Variants in SCMH1 observed in about 807,000 individuals in gnomAD.
The protein encoded by SCMH1 is Scm polycomb group protein homolog 1.
In SCMH1, 37 loss-of-function variants were observed where a neutral mutation model predicts 70.8. The ratio of observed to expected loss-of-function variants is 0.52; its 90% CI spans 0.40 to 0.69. SCMH1 has a LOEUF of 0.69. Among genes scored for constraint, SCMH1 ranks in the 30% least tolerant of loss-of-function variants. The pLI is 0.00. For synonymous variants in SCMH1, 292 were observed against 307.4 expected (o/e 0.95, Z 0.52); for missense variants, 607 against 827.3 (o/e 0.73, Z 3.27).
intron 1 of SCMH1, among the ~76,000 whole-genome samples, chr1:41,241,853 C>G (rs1418672325): frequency 6.6e-6 from 1 of 151,770 alleles, no homozygotes; most frequent in Non-Finnish European, 1.5e-5. Context: ...GGCCTCCGGG[C>G]TCGGGGCCGG....
At chr1:41,114,279 CG>C (rs1553130816) in intron 7 of SCMH1, among the ~76,000 whole-genome samples, 1 of 152,024 alleles carries the variant, frequency 6.6e-6, no homozygotes, top group Non-Finnish European at 1.5e-5. Context: ...ATACTTTCAC[CG>C]GAAGTGTAGA....
At chr1:41,207,256 A>G (rs1377874593) in intron 1 of SCMH1, among the ~76,000 whole-genome samples, 2 of 152,234 alleles carry the variant, frequency 1.3e-5, no homozygotes, top group African/African-American at 4.8e-5. Flanking sequence ...AATTGGATAA[A>G]GAGTCAAGAC....
intron 6 of SCMH1, among the ~76,000 whole-genome samples, chr1:41,118,157 G>A (rs929006062): frequency 2.2e-4 from 34 of 152,178 alleles, no homozygotes; most frequent in African/African-American, 7.9e-4. Context: ...AGGACTTAAG[G>A]GTTAAAAAGG....
intron 6 of SCMH1, among the ~76,000 whole-genome samples, chr1:41,128,776 A>C (rs1366308618): frequency 6.6e-6 from 1 of 152,112 alleles, no homozygotes; most frequent in African/African-American, 2.4e-5. Context: ...TCAGGACTCC[A>C]GTTATATATG....
At chr1:41,166,062 A>G (rs990166223) in intron 2 of SCMH1, among the ~76,000 whole-genome samples, 7 of 152,070 alleles carry the variant, frequency 4.6e-5, no homozygotes, top group South Asian at 2.1e-4. Flanking sequence ...TCATTCTTCT[A>G]TATGTGGATA....
chr1:41,071,616 GTTTT>G, intron 9 of SCMH1, among the ~76,000 whole-genome samples: 1 of 152,108 alleles, frequency 6.6e-6, no homozygotes, highest in Non-Finnish European at 1.5e-5. Context: ...GTTCAGGGCA[GTTTT>G]TGGGGGAGAA....
At chr1:41,079,747 A>G (rs980003941) in intron 8 of SCMH1, among the ~76,000 whole-genome samples, 1 of 152,162 alleles carries the variant, frequency 6.6e-6, no homozygotes, top group Non-Finnish European at 1.5e-5. Flanking sequence ...CTAGCTACTC[A>G]AGAGGATCGC....
chr1:41,160,768 A>G, intron 4 of SCMH1, 107 bp downstream of exon 4: 1 of 1,037,554 alleles, frequency 9.6e-7, no homozygotes. Flanking sequence ...GGTTTCTGAG[A>G]CAGAGACACG....
chr1:41,091,541 C>T (rs1217811303), intron 8 of SCMH1, among the ~76,000 whole-genome samples: 8 of 152,160 alleles, frequency 5.3e-5, no homozygotes, highest in African/African-American at 1.2e-4. Flanking sequence ...CCAGGGCAAT[C>T]AGGCAAGAGA....
intron 9 of SCMH1, among the ~76,000 whole-genome samples, chr1:41,073,764 A>G (rs1657324202): frequency 6.6e-6 from 1 of 152,192 alleles, no homozygotes; most frequent in South Asian, 2.1e-4. Context: ...AAAAAAGAAG[A>G]AAAAGATTAG....
chr1:41,040,526 A>G (rs543559153), intron 12 of SCMH1, among the ~76,000 whole-genome samples: 6 of 152,300 alleles, frequency 3.9e-5, no homozygotes, highest in African/African-American at 1.4e-4. Context: ...TACAGAGAGT[A>G]GAATGGGGGC....
chr1:41,203,451 T>C (rs889281500), intron 1 of SCMH1, among the ~76,000 whole-genome samples: 1 of 152,168 alleles, frequency 6.6e-6, no homozygotes, highest in Non-Finnish European at 1.5e-5. Context: ...AAATTAAACA[T>C]CTATTAAGTA....
chr1:41,038,178 A>G (rs969083356), intron 12 of SCMH1: 2 of 152,264 alleles, frequency 1.3e-5, no homozygotes, highest in African/African-American at 4.8e-5. Flanking sequence ...CAACATGGGA[A>G]GCCCCTTTCT....
intron 8 of SCMH1, among the ~76,000 whole-genome samples, chr1:41,076,827 G>C (rs535518743): frequency 1.1e-4 from 16 of 152,120 alleles, no homozygotes; most frequent in Non-Finnish European, 1.5e-4. Flanking sequence ...TTAGGTTAGA[G>C]AGTGAGTAGC....
intron 10 of SCMH1, among the ~76,000 whole-genome samples, chr1:41,051,895 A>G (rs1228481662): frequency 6.6e-6 from 1 of 152,208 alleles, no homozygotes; most frequent in Non-Finnish European, 1.5e-5. Flanking sequence ...AGTAGTGTAC[A>G]GTAATATCCT....
At chr1:41,161,475 A>C in intron 2 of SCMH1, 43 bp from the exon 3 acceptor site, 1 of 1,526,506 alleles carries the variant, frequency 6.6e-7, no homozygotes, top group Non-Finnish European at 8.8e-7. Flanking sequence ...AGAAAGTATA[A>C]GATTAAATAC....
intron 8 of SCMH1, among the ~76,000 whole-genome samples, chr1:41,089,873 C>A (rs1662891919): frequency 7.3e-6 from 1 of 137,370 alleles, no homozygotes; most frequent in African/African-American, 2.7e-5. Flanking sequence ...ATCACTGCAA[C>A]CTCTACCTCC....
At chr1:41,090,921 C>T (rs1365040506) in intron 8 of SCMH1, among the ~76,000 whole-genome samples, 1 of 151,488 alleles carries the variant, frequency 6.6e-6, no homozygotes, top group Non-Finnish European at 1.5e-5. Flanking sequence ...TGCCTGTAGT[C>T]GCAGCTACTT....
At chr1:41,163,191 CT>C (rs1470962122) in intron 2 of SCMH1, among the ~76,000 whole-genome samples, 3 of 151,852 alleles carry the variant, frequency 2.0e-5, no homozygotes, top group Non-Finnish European at 4.4e-5. Context: ...TGTGGTGTGC[CT>C]GGTCCAGCTG....
Sources: gnomAD v4.1 joint callset for allele counts (sites outside exome capture counted in the v4.1 genomes callset) on GRCh38, gnomAD v4.1.1 for gene constraint, MANE v1.5 for transcripts, NCBI Gene and HGNC (gene_info 2026-07-23, HGNC 2026-07-21) for gene names.